PROKR1: variants seen among roughly 807,000 people sequenced by gnomAD.
PROKR1 encodes the protein G protein-coupled receptor 73.
PROKR1 carries 21 observed loss-of-function variants against 22.8 expected under a neutral mutation model. That is an observed-to-expected ratio of 0.92 (90% confidence interval 0.65 to 1.32). The LOEUF is 1.32. Among genes scored for constraint, PROKR1 ranks in the 40% most tolerant of loss-of-function variants. The pLI, the probability that PROKR1 is intolerant of heterozygous loss-of-function variation, is 0.00. For missense variants in PROKR1, 548 were observed against 514.2 expected (o/e 1.07, Z -0.64); for synonymous variants, 193 against 207.5 (o/e 0.93, Z 0.60).
At position 68,645,946 on chromosome 2, in the gene PROKR1, A is replaced by G; in HGVS notation, c.125A>G (p.Tyr42Cys). Residue 42 changes from tyrosine (Y) to cysteine (C), a missense_variant, in exon 2 of 3, where the codon TAT becomes TGT. Coordinates refer to ENST00000303786, the MANE Select transcript of PROKR1 (RefSeq NM_138964.4). ...SFPFNFSYSD[Y>C]DMPLDEDEDV... Reference sequence around the variant, plus strand: ...CCATTCAACTTCAGCTACAGCGACTATGATATGCCTTTGGATGAAGATGAG... The same window carrying G: ...CCATTCAACTTCAGCTACAGCGACTGTGATATGCCTTTGGATGAAGATGAG... 1 of 1,614,184 alleles carries G rather than the reference A, an allele frequency of 6.2e-7. No individual in the cohort carries two copies. Among genetic ancestry groups the G allele is most frequent in the Non-Finnish European group, 8.5e-7 (1 of 1,180,040 alleles).
chr2:68,646,814 G>T (rs187262440), intron 2 of PROKR1, among the ~76,000 whole-genome samples: 1 of 152,300 alleles, frequency 6.6e-6, no homozygotes, highest in East Asian at 1.9e-4. Flanking sequence ...TTGGGAGGCC[G>T]AGATAGGAGG....
rs1288739786 is a variant in PROKR1 at position 68,657,327 on chromosome 2, C to T, written c.*1751C>T. On this transcript the variant is annotated 3_prime_UTR_variant, in exon 3 of 3. Transcript: ENST00000303786. Reference sequence around the variant, plus strand: ...TGGCTTGTGTATCCAGAAACCTGGCCGTCTCCACTTTTATTTTTCTTTGTG... The same window carrying T: ...TGGCTTGTGTATCCAGAAACCTGGCTGTCTCCACTTTTATTTTTCTTTGTG... 1.3e-5 allele frequency: 2 copies of T among 152,196 alleles called. No homozygotes were observed. Among genetic ancestry groups the T allele is most frequent in the African/African-American group, 2.4e-5 (1 of 41,440 alleles). The allele number at this position is 152,196 out of a possible 1,614,324, so 9.4% of individuals were successfully genotyped here. A position where few individuals can be genotyped will look rare whatever the true frequency, so the allele number is the denominator to read the frequency against.
chr2:68,648,992 G>T (rs894598647), intron 2 of PROKR1, among the ~76,000 whole-genome samples: 6 of 152,144 alleles, frequency 3.9e-5, no homozygotes, highest in African/African-American at 1.4e-4. Flanking sequence ...ATTCAAAACA[G>T]TAAGCAATAA....
intron 2 of PROKR1, among the ~76,000 whole-genome samples, chr2:68,652,060 GGAT>G (rs1673344098): frequency 6.6e-6 from 1 of 152,146 alleles, no homozygotes; most frequent in Admixed American, 6.5e-5. Context: ...TTTTGCTCTT[GGAT>G]GAAAGAAGAG....
In PROKR1 at chr2:68,655,017, T is replaced by A; in HGVS notation, c.623T>A (p.Ile208Asn). Residue 208 changes from isoleucine to asparagine, a missense_variant, in exon 3 of 3, where the codon ATT (isoleucine) becomes AAT (asparagine). Ile to Asn is a moderately radical substitution (Grantham distance 149). Transcript: ENST00000303786. ...AYFTTETVLVIVKSQEKIFCG... is the reference protein window; with the variant it reads ...AYFTTETVLVNVKSQEKIFCG... ...TTCACCACCGAGACGGTCCTCGTCATTGTCAAGAGCCAGGAAAAGATCTTC... is the reference window on the plus strand; with the variant it reads ...TTCACCACCGAGACGGTCCTCGTCAATGTCAAGAGCCAGGAAAAGATCTTC... 6.2e-7 allele frequency: 1 copy of A among 1,613,820 alleles called. No homozygotes were observed. Among genetic ancestry groups the A allele is most frequent in the South Asian group, 1.1e-5 (1 of 91,070 alleles).
chr2:68,651,286 C>T (rs1673319991), intron 2 of PROKR1, among the ~76,000 whole-genome samples: 1 of 152,094 alleles, frequency 6.6e-6, no homozygotes, highest in Non-Finnish European at 1.5e-5. Flanking sequence ...ACCCTTGGGC[C>T]CAGGAGATAG....
chr2:68,646,959 G>T (rs563534882), intron 2 of PROKR1, among the ~76,000 whole-genome samples: 2 of 152,184 alleles, frequency 1.3e-5, no homozygotes, highest in South Asian at 4.2e-4. Context: ...GAGGCAGGAG[G>T]ATCACTTGAG....
At chr2:68,650,783 T>G (rs189695954) in intron 2 of PROKR1, among the ~76,000 whole-genome samples, 1 of 152,194 alleles carries the variant, frequency 6.6e-6, no homozygotes, top group East Asian at 1.9e-4. Context: ...AAGGGTGAGA[T>G]CATTTTGTGC....
rs1169108064 is a variant in PROKR1 at position 68,655,775 on chromosome 2, G to A, written c.*199G>A. Reference sequence around the variant, plus strand: ...GACACTATCAACAGTGGCATTTGCTGAATGTCTAATTTACACGCCAGTAGG... The same window carrying A: ...GACACTATCAACAGTGGCATTTGCTAAATGTCTAATTTACACGCCAGTAGG... On this transcript the variant is annotated 3_prime_UTR_variant, in exon 3 of 3. Transcript: ENST00000303786. 7 of 619,696 alleles carry A rather than the reference G, an allele frequency of 1.1e-5. No individual in the cohort carries two copies. The East Asian group carries it at 1.9e-4, about 17-fold the overall frequency. 38.4% of individuals were successfully genotyped at this position (619,696 alleles called of 1,614,324 possible). A position where few individuals can be genotyped will look rare whatever the true frequency, so the allele number is the denominator to read the frequency against.
chr2:68,654,989 T>C lies in PROKR1; in HGVS notation c.595T>C (p.Tyr199His). ...CATCCTGATCGCCATCCCTTCCGCC[T>C]ACTTCACCACCGAGACGGTCCTCGT... ...VSILIAIPSA[Y>H]FTTETVLVIV... Residue 199 changes from tyrosine (Y) to histidine (H), a missense_variant, in exon 3 of 3, where the codon TAC becomes CAC. Tyr to His is a moderately conservative substitution (Grantham distance 83). Coordinates refer to ENST00000303786, the MANE Select transcript of PROKR1 (RefSeq NM_138964.4). The C allele has an allele frequency of 1.2e-6, 2 of 1,603,514 alleles. No individual in the cohort carries two copies. Among genetic ancestry groups the C allele is most frequent in the South Asian group, 2.2e-5 (2 of 90,496 alleles).
At chr2:68,653,737 A>T (rs1434722585) in intron 2 of PROKR1, among the ~76,000 whole-genome samples, 1 of 152,140 alleles carries the variant, frequency 6.6e-6, no homozygotes, top group East Asian at 1.9e-4. Flanking sequence ...CTCTCTCGGA[A>T]AGAGGCTATC....
intron 2 of PROKR1, among the ~76,000 whole-genome samples, chr2:68,646,939 T>C (rs549702558): frequency 2.6e-4 from 40 of 152,168 alleles, no homozygotes; most frequent in Non-Finnish European, 4.6e-4. Flanking sequence ...TCCTAGCTAG[T>C]TGAGAGGCTG....
chr2:68,644,455 A>G (rs1369532915), intron 1 of PROKR1, among the ~76,000 whole-genome samples: 1 of 152,110 alleles, frequency 6.6e-6, no homozygotes, highest in African/African-American at 2.4e-5. Flanking sequence ...GAAGGAAAAA[A>G]TCAGGGTAAG....
At position 68,655,772 on chromosome 2, in the gene PROKR1, G is replaced by T. The variant is rs1158178018; in HGVS notation, c.*196G>T. 9 of 621,806 alleles carry T rather than the reference G, an allele frequency of 1.4e-5. No individual in the cohort carries two copies. Among genetic ancestry groups the T allele is most frequent in the Non-Finnish European group, 2.5e-5 (9 of 353,368 alleles). 38.5% of individuals were successfully genotyped at this position (621,806 alleles called of 1,614,324 possible). The stretch of plus-strand genomic sequence containing the variant: ...CCAGACACTATCAACAGTGGCATTT[G>T]CTGAATGTCTAATTTACACGCCAGT... On this transcript the variant is annotated 3_prime_UTR_variant, in exon 3 of 3. Transcript: ENST00000303786.
chr2:68,651,255 C>T (rs1673318848), intron 2 of PROKR1, among the ~76,000 whole-genome samples: 2 of 152,206 alleles, frequency 1.3e-5, no homozygotes, highest in South Asian at 4.2e-4. Flanking sequence ...CCCAGCTACT[C>T]AGGAGGCTGG....
rs1413919551 is a variant in PROKR1 at position 68,646,216 on chromosome 2, A to C, written c.395A>C (p.His132Pro). ...YYVVRQLSWE[H>P]GHVLCTSVNY... The stretch of plus-strand genomic sequence containing the variant: ...GTGGTGCGCCAGCTCTCCTGGGAGC[A>C]CGGCCACGTCCTGTGCACCTCTGTC... The change falls in exon 2 of 3, where the codon CAC (histidine) becomes CCC (proline). Residue 132 changes from histidine to proline, a missense_variant. His to Pro is a moderately conservative substitution (Grantham distance 77). Transcript: ENST00000303786. 1 of 1,612,656 alleles carries C rather than the reference A, an allele frequency of 6.2e-7. No homozygotes were observed. Among genetic ancestry groups the C allele is most frequent in the Non-Finnish European group, 8.5e-7 (1 of 1,179,002 alleles).
chr2:68,648,088 C>T (rs911568669), intron 2 of PROKR1, among the ~76,000 whole-genome samples: 1 of 152,178 alleles, frequency 6.6e-6, no homozygotes, highest in African/African-American at 2.4e-5. Flanking sequence ...AAGTTTCATA[C>T]TAGCGAGAAA....
chr2:68,646,362 A>T (rs1208358018), intron 2 of PROKR1, 56 bp downstream of exon 2: 6 of 1,599,608 alleles, frequency 3.8e-6, no homozygotes, highest in Non-Finnish European at 5.1e-6. Context: ...GGGGCATTGG[A>T]ATTGCCCCCT....
chr2:68,649,212 A>G (rs559638486), intron 2 of PROKR1, among the ~76,000 whole-genome samples: 1 of 152,176 alleles, frequency 6.6e-6, no homozygotes, highest in Non-Finnish European at 1.5e-5. Context: ...ATTTGTCTAT[A>G]TTATTGGTTC....
Sources: allele counts gnomAD v4.1 joint callset (sites outside exome capture counted in the v4.1 genomes callset), GRCh38; gene constraint gnomAD v4.1.1; transcripts MANE v1.5; gene names NCBI Gene and HGNC (gene_info 2026-07-23, HGNC 2026-07-21).